MYO1E: variants seen among roughly 807,000 people sequenced by gnomAD.
MYO1E encodes the protein myosin IE.
In MYO1E, 68 loss-of-function variants were observed where a neutral mutation model predicts 151.1. That is an observed-to-expected ratio of 0.45 (90% CI 0.37 to 0.55). MYO1E has a LOEUF of 0.55. Among genes scored for constraint, MYO1E ranks in the 20% least tolerant of loss-of-function variants. The pLI is 0.00. For missense variants in MYO1E, 1,363 were observed against 1,389.3 expected (o/e 0.98, Z 0.30); for synonymous variants, 601 against 501.7 (o/e 1.20, Z -2.64).
intron 1 of MYO1E, among the ~76,000 whole-genome samples, chr15:59,310,649 G>C (rs898667634): frequency 6.6e-6 from 1 of 152,082 alleles, no homozygotes; most frequent in East Asian, 1.9e-4. Flanking sequence ...CTTCGGAATT[G>C]TGAGAACACA....
intron 1 of MYO1E, among the ~76,000 whole-genome samples, chr15:59,322,880 G>A (rs1206989729): frequency 6.6e-6 from 1 of 152,000 alleles, no homozygotes; most frequent in African/African-American, 2.4e-5. Flanking sequence ...GGTGCTTTCT[G>A]GCCGGGCACG....
chr15:59,228,553 GTTTT>G (rs200581765), intron 6 of MYO1E, among the ~76,000 whole-genome samples: 2 of 150,148 alleles, frequency 1.3e-5, no homozygotes, highest in Non-Finnish European at 3.0e-5. Flanking sequence ...ATTTAAATTG[GTTTT>G]TTTTTCTCAC....
chr15:59,301,742 C>T (rs978733472), intron 1 of MYO1E, among the ~76,000 whole-genome samples: 14 of 152,158 alleles, frequency 9.2e-5, no homozygotes, highest in African/African-American at 3.4e-4. Flanking sequence ...ACTCCAAATT[C>T]CTCTTCTGCG....
chr15:59,304,649 T>C (rs1468525567), intron 1 of MYO1E, among the ~76,000 whole-genome samples: 2 of 152,354 alleles, frequency 1.3e-5, no homozygotes, highest in East Asian at 3.9e-4. Context: ...GCTGAAACTA[T>C]GCTCTGTTGC....
intron 22 of MYO1E, among the ~76,000 whole-genome samples, chr15:59,170,041 A>C (rs1257495638): frequency 6.6e-6 from 1 of 152,114 alleles, no homozygotes; most frequent in Non-Finnish European, 1.5e-5. Flanking sequence ...CAGGCCTGTA[A>C]TCCCAGCTAC....
chr15:59,170,758 A>C (rs2079588547), intron 22 of MYO1E, among the ~76,000 whole-genome samples: 1 of 152,164 alleles, frequency 6.6e-6, no homozygotes, highest in Admixed American at 6.5e-5. Flanking sequence ...TTAGGAACAG[A>C]TAGAATCAGA....
intron 10 of MYO1E, among the ~76,000 whole-genome samples, chr15:59,215,772 C>CA (rs1218757729): frequency 1.7e-4 from 26 of 151,804 alleles, no homozygotes; most frequent in African/African-American, 4.1e-4. Flanking sequence ...GTACTATTCA[C>CA]AAAAAAAACT....
intron 1 of MYO1E, among the ~76,000 whole-genome samples, chr15:59,341,016 C>CAAAAAA (rs35367694): frequency 1.2e-5 from 1 of 86,272 alleles, no homozygotes. Flanking sequence ...GACTCCATCT[C>CAAAAAA]AAAAAAAAAA....
At chr15:59,292,006 G>C (rs1346476002) in intron 1 of MYO1E, among the ~76,000 whole-genome samples, 28 of 152,112 alleles carry the variant, frequency 1.8e-4, no homozygotes, top group African/African-American at 6.8e-4. Flanking sequence ...TATAACTATA[G>C]TTCACATGCT....
chr15:59,288,119 T>G (rs1401301445), intron 1 of MYO1E, among the ~76,000 whole-genome samples: 1 of 152,196 alleles, frequency 6.6e-6, no homozygotes, highest in Non-Finnish European at 1.5e-5. Flanking sequence ...CCACTGTCAC[T>G]CACCGACTCA....
Position 59,132,713 on chromosome 15 carries a change from T to C in MYO1E, c.*4667A>G, listed in dbSNP as rs1462674535. Reference sequence around the variant, plus strand: ...TGATTTTAAGTAGTGGTGATCTCTATACTTTAGTTTCTGTACCTGTGAAGT... The same window carrying C: ...TGATTTTAAGTAGTGGTGATCTCTACACTTTAGTTTCTGTACCTGTGAAGT... On this transcript the variant is annotated 3_prime_UTR_variant, in exon 28 of 28. Transcript: ENST00000288235. 6.6e-6 allele frequency: 1 copy of C among 152,220 alleles called. No individual in the cohort carries two copies. Among genetic ancestry groups the C allele is most frequent in the African/African-American group, 2.4e-5 (1 of 41,482 alleles). The allele number at this position is 152,220 out of a possible 1,614,324, so 9.4% of individuals were successfully genotyped here. A position where few individuals can be genotyped will look rare whatever the true frequency, so the allele number is the denominator to read the frequency against.
intron 16 of MYO1E, among the ~76,000 whole-genome samples, chr15:59,199,281 G>T (rs1298233386): frequency 6.6e-6 from 1 of 152,002 alleles, no homozygotes; most frequent in Non-Finnish European, 1.5e-5. Flanking sequence ...ATTTTTAGTA[G>T]AGATGGGGTT....
chr15:59,236,593 T>G lies in MYO1E; in HGVS notation c.412A>C (p.Lys138Gln). The G allele has an allele frequency of 6.2e-7, 1 of 1,612,700 alleles. No homozygotes were observed. Residue 138 changes from lysine (K) to glutamine (Q), a missense_variant, in exon 5 of 28, where the codon AAA becomes CAA. Coordinates refer to ENST00000288235, the MANE Select transcript of MYO1E (RefSeq NM_004998.4). ...GGCCACTGCCCACTCACCTGGACTT[T>G]GGTCCCTCCTCCAGACACTCTGGAG... is the stretch of plus-strand genomic sequence containing the variant. ...YISRVSGGGT[K>Q]VQHVKDIILQ...
chr15:59,304,601 T>C (rs955642576), intron 1 of MYO1E, among the ~76,000 whole-genome samples: 19 of 152,246 alleles, frequency 1.2e-4, no homozygotes, highest in Non-Finnish European at 4.4e-5. Context: ...GGATGTTGCA[T>C]CATGGATTCA....
In MYO1E at chr15:59,220,983, C is replaced by T. The variant is rs193185556; in HGVS notation, c.910+2076G>A. On this transcript the variant is annotated intron_variant, in intron 9 of 27. Coordinates refer to ENST00000288235, the MANE Select transcript of MYO1E (RefSeq NM_004998.4). ...CTTAGGAATTGATATAGCATCATCT[C>T]ACATTATATATATAATTATATATAT... Among the ~76,000 whole-genome samples the T allele has an allele frequency of 1.8e-4, 26 of 140,562 alleles. No individual in the cohort carries two copies. The Admixed American group carries it at 1.9e-3, about 10-fold the overall frequency. The allele number at this position is 140,562 out of a possible 152,430, so 92.2% of individuals were successfully genotyped here. A position where few individuals can be genotyped will look rare whatever the true frequency, so the allele number is the denominator to read the frequency against.
intron 4 of MYO1E, among the ~76,000 whole-genome samples, chr15:59,241,676 C>A (rs2080100406): frequency 6.6e-6 from 1 of 151,862 alleles, no homozygotes; most frequent in African/African-American, 2.4e-5. Flanking sequence ...TGCACTCCAG[C>A]CTCGGTGACA....
At chr15:59,207,852 T>C (rs369112802) in intron 14 of MYO1E, 1 of 1,614,102 alleles carries the variant, frequency 6.2e-7, no homozygotes, top group Non-Finnish European at 8.5e-7. Context: ...TTGGCCTATC[T>C]GTGGCCGATT....
Position 59,161,191 on chromosome 15 carries a change from C to G in MYO1E, c.2667G>C (p.Trp889Cys), listed in dbSNP as rs778124523. 2.5e-6 allele frequency: 4 copies of G among 1,613,978 alleles called. No individual in the cohort carries two copies. Among genetic ancestry groups the G allele is most frequent in the Non-Finnish European group, 3.4e-6 (4 of 1,179,898 alleles). Residue 889 changes from tryptophan to cysteine, a missense_variant, in exon 24 of 28, where the codon TGG (tryptophan) becomes TGC (cysteine). Transcript: ENST00000288235. ...GCACTTGCCGGGAGCCCCCTGCACT[C>G]CAGGGGCCCCAGTTTTCCTTTTTCA... ...LKLKKENWGP[W>C]SAGGSRQVQF...
At chr15:59,244,534 A>T (rs2080118403) in intron 4 of MYO1E, among the ~76,000 whole-genome samples, 1 of 152,044 alleles carries the variant, frequency 6.6e-6, no homozygotes, top group Non-Finnish European at 1.5e-5. Flanking sequence ...CTACCCTATG[A>T]CTCACCCCAG....
Sources: allele counts gnomAD v4.1 joint callset (sites outside exome capture counted in the v4.1 genomes callset), GRCh38; gene constraint gnomAD v4.1.1; transcripts MANE v1.5; gene names NCBI Gene and HGNC (gene_info 2026-07-23, HGNC 2026-07-21).